BRD4: variants seen among roughly 807,000 people sequenced by gnomAD.
BRD4 encodes the protein bromodomain-containing protein 4.
In BRD4, 16 loss-of-function variants were observed where a neutral mutation model predicts 142.1. The ratio of observed to expected loss-of-function variants is 0.11; its 90% CI spans 0.08 to 0.17. The LOEUF is 0.17. BRD4 is among the 10% of genes least tolerant of loss of function. The probability of loss-of-function intolerance (pLI) is 1.00; values close to 1 mark genes in which losing one functional copy is unlikely to be tolerated. For synonymous variants in BRD4, 833 were observed against 707.5 expected, an observed-to-expected ratio of 1.18 and a Z score of -2.82; for missense variants, 1,424 against 1,810.9, an observed-to-expected ratio of 0.79 and a Z score of 3.88.
chr19:15,244,869 T>G (rs985168506), intron 11 of BRD4, 107 bp from the exon 12 acceptor site: 7 of 1,584,936 alleles, frequency 4.4e-6, no homozygotes, highest in Non-Finnish European at 6.0e-6. Context: ...GAAGGACCAG[T>G]GACCCTGAGA....
chr19:15,330,071 A>C (rs2048143785), intron 1 of BRD4, among the ~76,000 whole-genome samples: 1 of 152,028 alleles, frequency 6.6e-6, no homozygotes, highest in African/African-American at 2.4e-5. Context: ...AATCCTTAAA[A>C]CTCAGCAGCT....
At chr19:15,284,455 A>G (rs2047726492) in intron 1 of BRD4, among the ~76,000 whole-genome samples, 1 of 152,214 alleles carries the variant, frequency 6.6e-6, no homozygotes, top group Non-Finnish European at 1.5e-5. Flanking sequence ...TGCTGGATTT[A>G]TATCTGATAC....
intron 14 of BRD4, among the ~76,000 whole-genome samples, chr19:15,242,106 G>A (rs569744873): frequency 8.2e-4 from 125 of 152,200 alleles, no homozygotes; most frequent in African/African-American, 2.9e-3. Flanking sequence ...GAGCCACCGC[G>A]CCCGGCCTGC....
At position 15,258,036 on chromosome 19, in the gene BRD4, G is replaced by A. The variant is rs1599454952; in HGVS notation, c.1342-863C>T. Among the ~76,000 whole-genome samples the A allele has an allele frequency of 3.3e-5, 5 of 152,306 alleles. 1 individual carries two copies. Among genetic ancestry groups the A allele is most frequent in the African/African-American group, 1.2e-4 (5 of 41,560 alleles). On this transcript the variant is annotated intron_variant, in intron 7 of 19. Transcript: ENST00000679869. The stretch of plus-strand genomic sequence containing the variant: ...CCCCGGGGGCGCTGTGCTCAATCCA[G>A]TGATGGCTCAAGACAGAGGCAGAAG...
chr19:15,239,412 T>G lies in BRD4; in HGVS notation c.3556A>C (p.Thr1186Pro), dbSNP rs1384703789. The G allele has an allele frequency of 6.2e-7, 1 of 1,613,798 alleles. No individual in the cohort carries two copies. Among genetic ancestry groups the G allele is most frequent in the Non-Finnish European group, 8.5e-7 (1 of 1,179,994 alleles). ...DKDKQKQEPK[T>P]PVAPKKDLKI... ...CCAACCTTTTTGGGCGCAACTGGAG[T>G]CTTCGGCTCCTGTTTCTGTTTGTCC... The change falls in exon 17 of 20, where the codon ACT (threonine) becomes CCT (proline). Residue 1186 changes from threonine (T) to proline (P), a missense_variant. Physicochemically the swap from Thr to Pro is conservative, Grantham distance 38. Transcript: ENST00000679869. This position sits in a 1 kb window ranked among gnomAD's most constrained non-coding sequence, Gnocchi z 7.4.
intron 1 of BRD4, among the ~76,000 whole-genome samples, chr19:15,275,158 C>T (rs1025219867): frequency 1.3e-5 from 2 of 152,190 alleles, no homozygotes; most frequent in South Asian, 2.1e-4. Flanking sequence ...CATGCCCGGA[C>T]AGAAGCTGAA....
chr19:15,300,594 G>C (rs1313229952), intron 1 of BRD4, among the ~76,000 whole-genome samples: 2 of 151,888 alleles, frequency 1.3e-5, no homozygotes, highest in Non-Finnish European at 2.9e-5. Context: ...AACCATGTGT[G>C]GGGTAGGGCA....
chr19:15,316,087 C>A (rs1280774171), intron 1 of BRD4, among the ~76,000 whole-genome samples: 1 of 133,944 alleles, frequency 7.5e-6, no homozygotes, highest in African/African-American at 2.9e-5. Context: ...ACCCGGGAGG[C>A]AGAGCTTGCA....
chr19:15,326,455 G>A (rs2048108982), intron 1 of BRD4, among the ~76,000 whole-genome samples: 1 of 151,838 alleles, frequency 6.6e-6, no homozygotes, highest in South Asian at 2.1e-4. Context: ...TTCAGCATAG[G>A]TGACAGAGCA....
intron 1 of BRD4, among the ~76,000 whole-genome samples, chr19:15,328,915 A>G (rs1012759361): frequency 6.6e-6 from 1 of 152,148 alleles, no homozygotes; most frequent in Non-Finnish European, 1.5e-5. Flanking sequence ...CTGGGATTAC[A>G]GGCATGCGCC....
At chr19:15,302,140 C>G (rs796562636) in intron 1 of BRD4, among the ~76,000 whole-genome samples, 2 of 151,502 alleles carry the variant, frequency 1.3e-5, no homozygotes, top group Non-Finnish European at 2.9e-5. Context: ...GCCCTCCAGT[C>G]TGGGAGACAG....
At chr19:15,314,136 C>A (rs773727808) in intron 1 of BRD4, among the ~76,000 whole-genome samples, 3 of 152,186 alleles carry the variant, frequency 2.0e-5, no homozygotes, top group African/African-American at 4.8e-5. Flanking sequence ...CTTGAACTTT[C>A]GTTCGCACTT....
chr19:15,253,658 G>A (rs1169320805), intron 11 of BRD4: 1 of 1,598,134 alleles, frequency 6.3e-7, no homozygotes, highest in East Asian at 2.2e-5. Flanking sequence ...CGATGCGGCT[G>A]GCCAGCTGCA....
At chr19:15,317,254 G>A (rs1256075472) in intron 1 of BRD4, among the ~76,000 whole-genome samples, 3 of 152,200 alleles carry the variant, frequency 2.0e-5, no homozygotes, top group African/African-American at 2.4e-5. Flanking sequence ...AGGACTTAAG[G>A]AATGCGTAGA....
intron 1 of BRD4, among the ~76,000 whole-genome samples, chr19:15,331,650 G>A (rs1338206484): frequency 1.3e-5 from 2 of 152,166 alleles, no homozygotes; most frequent in South Asian, 2.1e-4. Flanking sequence ...GCAGCACTCC[G>A]GGGACCGCCG....
At chr19:15,326,145 T>A (rs1359602420) in intron 1 of BRD4, among the ~76,000 whole-genome samples, 1 of 127,528 alleles carries the variant, frequency 7.8e-6, no homozygotes, top group African/African-American at 3.0e-5. Flanking sequence ...ATGTTCACAA[T>A]GTAGCATTAA....
chr19:15,247,747 AG>A (rs1372285740), intron 11 of BRD4: 2 of 232,948 alleles, frequency 8.6e-6, no homozygotes, highest in African/African-American at 2.2e-5. Flanking sequence ...GGACTGCAAC[AG>A]GAACACATCA....
intron 1 of BRD4, among the ~76,000 whole-genome samples, chr19:15,308,728 C>T (rs978090401): frequency 2.0e-5 from 3 of 149,604 alleles, no homozygotes; most frequent in African/African-American, 7.4e-5. Context: ...AAACTTTAAA[C>T]ATCTGGGCTG....
intron 1 of BRD4, among the ~76,000 whole-genome samples, chr19:15,286,242 C>T (rs1207814533): frequency 6.6e-6 from 1 of 152,180 alleles, no homozygotes; most frequent in African/African-American, 2.4e-5. Flanking sequence ...GGAGCATAGC[C>T]CCTCCCCTGC....
Sources: gnomAD v4.1 joint callset for allele counts (sites outside exome capture counted in the v4.1 genomes callset) on GRCh38, gnomAD v4.1.1 for gene constraint, Gnocchi (gnomAD v3.1) non-coding constraint, MANE v1.5 for transcripts, NCBI Gene and HGNC (gene_info 2026-07-23, HGNC 2026-07-21) for gene names.